Variants in NTRK1 observed in about 807,000 individuals in gnomAD.
NTRK1 encodes the protein high affinity nerve growth factor receptor.
In NTRK1, 62 loss-of-function variants were observed where a neutral mutation model predicts 86.8. That is an observed-to-expected ratio of 0.71 (90% CI 0.58 to 0.88). The LOEUF (loss-of-function observed/expected upper bound fraction) is 0.88. Among genes scored for constraint, NTRK1 ranks in the 40% least tolerant of loss-of-function variants. The pLI is 0.00. For missense variants in NTRK1, 967 were observed against 1,078.4 expected (o/e 0.90, Z 1.45); for synonymous variants, 469 against 456.6 (o/e 1.03, Z -0.35).
chr1:156,863,710 A>G (rs1286969397), intron 1 of NTRK1, among the ~76,000 whole-genome samples: 73 of 151,976 alleles, frequency 4.8e-4, no homozygotes, highest in Admixed American at 4.8e-3. Context: ...AGTACAGGTG[A>G]GACCAGGCAG....
upstream of NTRK1, chr1:156,858,550 C>A: frequency 3.1e-6 from 5 of 1,613,866 alleles, no homozygotes; most frequent in Non-Finnish European, 4.2e-6. Context: ...CTACTGTATC[C>A]AGGCCAAATC....
rs1170187166 is a variant in NTRK1 at position 156,845,443 on chromosome 1, C to T, written c.50+3250C>T. 4 of 1,531,148 alleles carry T rather than the reference C, an allele frequency of 2.6e-6. No homozygotes were observed. In the East Asian group the frequency reaches 9.0e-5, roughly 35 times the overall value. The allele number at this position is 1,531,148 out of a possible 1,614,324, so 94.8% of individuals were successfully genotyped here. On this transcript the variant is annotated intron_variant, in intron 2 of 16. Transcript: ENST00000392302. ...GGAGGCCAGGAGTAGCCCTATCAGG[C>T]CTGTCCGGATGCACCCCTGTGCCCT...
At chr1:156,855,323 C>T (rs140159921) in intron 2 of NTRK1, among the ~76,000 whole-genome samples, 2 of 152,262 alleles carry the variant, frequency 1.3e-5, no homozygotes, top group East Asian at 1.9e-4. Flanking sequence ...CCTGCCTCAG[C>T]CTCCCGAGTA....
intron 3 of NTRK1, among the ~76,000 whole-genome samples, chr1:156,865,642 A>C (rs1428154800): frequency 6.6e-6 from 1 of 152,116 alleles, no homozygotes. Flanking sequence ...CAGGCTGGAG[A>C]ATAGTGGCAC....
At chr1:156,866,199 T>C (rs1655919928) in intron 3 of NTRK1, among the ~76,000 whole-genome samples, 1 of 152,146 alleles carries the variant, frequency 6.6e-6, no homozygotes, top group South Asian at 2.1e-4. Flanking sequence ...AAATTCTAGG[T>C]TGGCTAGGAA....
chr1:156,842,599 G>T, intron 2 of NTRK1: 1 of 928,034 alleles, frequency 1.1e-6, no homozygotes, highest in Non-Finnish European at 1.7e-6. Context: ...GTCTGACTCA[G>T]ACACCAAACC....
intron 4 of NTRK1, 93 bp downstream of exon 4, chr1:156,867,071 G>A (rs1558099460): frequency 7.9e-7 from 1 of 1,272,760 alleles, no homozygotes; most frequent in Non-Finnish European, 1.1e-6. Context: ...CACTGTGTCT[G>A]TGTGACACTG....
intron 1 of NTRK1, among the ~76,000 whole-genome samples, chr1:156,832,226 T>G (rs1299534002): frequency 6.6e-6 from 1 of 152,228 alleles, no homozygotes; most frequent in Non-Finnish European, 1.5e-5. Context: ...TCTCTGCCCC[T>G]AGTTGGTTTG....
chr1:156,823,640 G>T (rs954872586), intron 1 of NTRK1, among the ~76,000 whole-genome samples: 2 of 152,184 alleles, frequency 1.3e-5, no homozygotes, highest in Non-Finnish European at 1.5e-5. Context: ...CATATGGCTG[G>T]ATGTTTTCTC....
intron 1 of NTRK1, among the ~76,000 whole-genome samples, chr1:156,827,627 G>A (rs554125582): frequency 1.9e-4 from 29 of 152,124 alleles, no homozygotes; most frequent in Non-Finnish European, 3.8e-4. Flanking sequence ...GAACTCCTGG[G>A]CTCAGTTGAT....
intron 1 of NTRK1, chr1:156,816,206 C>T (rs1431218175): frequency 2.8e-5 from 41 of 1,458,490 alleles, no homozygotes; most frequent in Middle Eastern, 1.8e-4. Flanking sequence ...ACAGTCTTAA[C>T]GACAGGAAAA....
At chr1:156,877,518 T>C (rs1276110268) in intron 14 of NTRK1, among the ~76,000 whole-genome samples, 1 of 152,252 alleles carries the variant, frequency 6.6e-6, no homozygotes, top group Admixed American at 6.5e-5. Flanking sequence ...CCTGATGTGA[T>C]GGTCACATGT....
At chr1:156,859,007 G>C (rs1655511178), upstream of NTRK1, 1 of 198,874 alleles carries the variant, frequency 5.0e-6, no homozygotes, top group African/African-American at 2.3e-5. This position sits in a 1 kb window ranked among gnomAD's most constrained non-coding sequence, Gnocchi z 6.2. Context: ...CTCCCAAGGA[G>C]GGCAGCGGGG....
chr1:156,878,081 A>G (rs181879142), intron 14 of NTRK1, among the ~76,000 whole-genome samples: 43 of 152,304 alleles, frequency 2.8e-4, no homozygotes, highest in African/African-American at 9.4e-4. Flanking sequence ...TAACTGCTGG[A>G]TGGAACACTG....
intron 2 of NTRK1, chr1:156,849,000 G>A (rs1655108816): frequency 2.5e-6 from 4 of 1,612,930 alleles, no homozygotes; most frequent in Non-Finnish European, 3.4e-6. Flanking sequence ...AGCAGGATGC[G>A]GTCTGCCTCC....
At chr1:156,825,358 G>A (rs1654292212) in intron 1 of NTRK1, among the ~76,000 whole-genome samples, 1 of 152,230 alleles carries the variant, frequency 6.6e-6, no homozygotes, top group African/African-American at 2.4e-5. Flanking sequence ...AGTGCAGGGT[G>A]CAACATCTTG....
chr1:156,840,610 A>C, intron 1 of NTRK1: 1 of 526,372 alleles, frequency 1.9e-6, no homozygotes, highest in Admixed American at 3.2e-5. Flanking sequence ...CTCTGAGGGC[A>C]GGACATCTCT....
chr1:156,871,783 C>T, intron 7 of NTRK1, 28 bp downstream of exon 7: 1 of 1,613,932 alleles, frequency 6.2e-7, no homozygotes. Context: ...CTCCGGCACC[C>T]ACCCCCTACT....
chr1:156,874,277 T>G, intron 8 of NTRK1, 106 bp from the exon 9 acceptor site: 1 of 1,535,814 alleles, frequency 6.5e-7, no homozygotes, highest in East Asian at 2.2e-5. Flanking sequence ...CCTCGTCCCA[T>G]GAAGGAATGA....
Sources: gnomAD v4.1 joint callset for allele counts (sites outside exome capture counted in the v4.1 genomes callset) on GRCh38, gnomAD v4.1.1 for gene constraint, Gnocchi (gnomAD v3.1) non-coding constraint, MANE v1.5 for transcripts, NCBI Gene and HGNC (gene_info 2026-07-23, HGNC 2026-07-21) for gene names.